The following ADGRG6 variants were observed in gnomAD, a reference collection of about 807,000 sequenced individuals.
ADGRG6 encodes adhesion G protein-coupled receptor G6.
In ADGRG6, 84 loss-of-function variants were observed where a neutral mutation model predicts 142.4. The observed-to-expected ratio is 0.59, with a 90% CI of 0.49 to 0.71. The LOEUF (loss-of-function observed/expected upper bound fraction) is 0.71. Ranked by LOEUF, ADGRG6 falls within the 30% of genes least tolerant of loss-of-function variation. The probability of loss-of-function intolerance (pLI) is 0.00; values close to 1 mark genes in which losing one functional copy is unlikely to be tolerated. For synonymous variants in ADGRG6, 521 were observed against 520.5 expected (o/e 1.00, Z -0.01); for missense variants, 1,367 against 1,466.6 (o/e 0.93, Z 1.11).
chr6:142,313,275 C>T (rs1035402375), intron 2 of ADGRG6, among the ~76,000 whole-genome samples: 2 of 151,996 alleles, frequency 1.3e-5, no homozygotes, highest in East Asian at 3.9e-4. Flanking sequence ...TCTTTCTTCA[C>T]TTAATAGGAA....
intron 9 of ADGRG6, 53 bp downstream of exon 9, chr6:142,394,011 C>CT: frequency 9.2e-7 from 1 of 1,092,120 alleles, no homozygotes; most frequent in Non-Finnish European, 1.4e-6. Context: ...TTGCTCACTA[C>CT]TTTATCTGGT....
intron 4 of ADGRG6, among the ~76,000 whole-genome samples, chr6:142,380,342 A>G (rs914289767): frequency 6.6e-6 from 1 of 152,214 alleles, no homozygotes; most frequent in Non-Finnish European, 1.5e-5. Context: ...CAAGAGGAGG[A>G]GTCCATTCAG....
intron 2 of ADGRG6, among the ~76,000 whole-genome samples, chr6:142,321,165 T>G (rs1231098675): frequency 6.6e-6 from 1 of 151,940 alleles, no homozygotes; most frequent in Non-Finnish European, 1.5e-5. Flanking sequence ...AACTGAGTAG[T>G]GTTTTTTAAA....
chr6:142,424,523 A>C (rs1776841837), intron 22 of ADGRG6, among the ~76,000 whole-genome samples: 1 of 146,474 alleles, frequency 6.8e-6, no homozygotes, highest in Non-Finnish European at 1.5e-5. Context: ...GATGAAGCCC[A>C]CTTGATCATG....
At chr6:142,443,033 T>G (rs1346923239) in intron 24 of ADGRG6, among the ~76,000 whole-genome samples, 2 of 152,190 alleles carry the variant, frequency 1.3e-5, no homozygotes, top group African/African-American at 4.8e-5. Context: ...CCATAGTGCA[T>G]GTTTTTTTGA....
At chr6:142,436,347 A>G (rs1344027508) in intron 22 of ADGRG6, among the ~76,000 whole-genome samples, 2 of 152,148 alleles carry the variant, frequency 1.3e-5, no homozygotes, top group Non-Finnish European at 2.9e-5. Flanking sequence ...TGACCTTGAG[A>G]ATGAAGGGCT....
rs1205663199 is a variant in ADGRG6 at position 142,370,948 on chromosome 6, A to G, written c.1069+155A>G. The G allele has an allele frequency of 5.2e-6, 4 of 766,364 alleles. No individual in the cohort carries two copies. In the Admixed American group the frequency reaches 8.5e-5, roughly 16 times the overall value. The allele number at this position is 766,364 out of a possible 1,614,324, so 47.5% of individuals were successfully genotyped here. On this transcript the variant is annotated intron_variant, in intron 4 of 24. Transcript: ENST00000367609. The stretch of plus-strand genomic sequence containing the variant: ...TATGTTGTCATTAAAAAGCTCTTTT[A>G]ATTTTTAAAATGTCGTCTGCTCAGC...
chr6:142,420,871 A>G (rs1480945711), intron 22 of ADGRG6, among the ~76,000 whole-genome samples: 2 of 152,192 alleles, frequency 1.3e-5, no homozygotes, highest in African/African-American at 4.8e-5. Context: ...TATACCCTGT[A>G]CTGTTGATGA....
rs1777855103 is a variant in ADGRG6, at chr6:142,443,464, C to T, written c.3702C>T (p.Phe1234=). The T allele has an allele frequency of 2.5e-6, 4 of 1,611,590 alleles. No homozygotes were observed. Among genetic ancestry groups the T allele is most frequent in the Admixed American group, 3.3e-5 (2 of 59,900 alleles). ...KGYCNAHSDN[F]YKNIIMSDTF... ...ATTGCAATGCTCATTCAGACAACTTCTATAAAAATATTATCATGTCAGACA... is the reference window on the plus strand; with the variant it reads ...ATTGCAATGCTCATTCAGACAACTTTTATAAAAATATTATCATGTCAGACA... Residue 1234 remains phenylalanine (F), a synonymous_variant, in exon 25 of 25, where the codon TTC becomes TTT. Coordinates refer to ENST00000367609, the MANE Select transcript of ADGRG6 (RefSeq NM_198569.3).
intron 4 of ADGRG6, among the ~76,000 whole-genome samples, chr6:142,371,301 C>A (rs151179486): frequency 6.6e-6 from 1 of 150,920 alleles, no homozygotes; most frequent in East Asian, 2.0e-4. Context: ...TATCTGGGAC[C>A]ACAGGCGTGC....
At chr6:142,429,579 T>C (rs183972069) in intron 22 of ADGRG6, among the ~76,000 whole-genome samples, 1 of 152,306 alleles carries the variant, frequency 6.6e-6, no homozygotes, top group Non-Finnish European at 1.5e-5. Flanking sequence ...CATAGCCAGC[T>C]GACTGTGTCT....
At position 142,351,822 on chromosome 6, in the gene ADGRG6, T is replaced by C. The variant is rs1780190628; in HGVS notation, c.104-15747T>C. ...ACAAAGGTCAAATATCCAGGATCTA[T>C]AAGGAACTTGAACGGATTGGCAAGC... On this transcript the variant is annotated intron_variant, in intron 2 of 24. Transcript: ENST00000367609. Among the ~76,000 whole-genome samples, 4 of 152,168 alleles carry C rather than the reference T, an allele frequency of 2.6e-5. No individual in the cohort carries two copies. In the South Asian group the frequency reaches 8.3e-4, roughly 32 times the overall value.
chr6:142,324,137 C>A (rs1330636727), intron 2 of ADGRG6, among the ~76,000 whole-genome samples: 1 of 152,070 alleles, frequency 6.6e-6, no homozygotes, highest in Non-Finnish European at 1.5e-5. Context: ...TATTCTAATG[C>A]AGACCTTATT....
rs754669806 is a variant in ADGRG6 at position 142,411,404 on chromosome 6, T to C, written c.2534T>C (p.Val845Ala). The change falls in exon 18 of 25, where the codon GTT (valine) becomes GCT (alanine). Residue 845 changes from valine (V) to alanine (A), a missense_variant. Val to Ala is a moderately conservative substitution (Grantham distance 64, BLOSUM62 0). This residue lies in a region of ADGRG6 where 286 missense variants were observed against 371.4 expected (regional missense o/e 0.77). Transcript: ENST00000367609. Reference sequence around the variant, plus strand: ...TGTAACCACTTCACACACTTTGGAGTTCTGATGGTAAGGGGGGAATTTCTA... The same window carrying C: ...TGTAACCACTTCACACACTTTGGAGCTCTGATGGTAAGGGGGGAATTTCTA... ...CLCNHFTHFGVLMDLPRSASQ... is the reference protein window; with the variant it reads ...CLCNHFTHFGALMDLPRSASQ... The C allele has an allele frequency of 5.2e-6, 8 of 1,541,368 alleles. No homozygotes were observed. Among genetic ancestry groups the C allele is most frequent in the Non-Finnish European group, 7.2e-6 (8 of 1,114,026 alleles).
chr6:142,316,800 GT>G (rs970047121), intron 2 of ADGRG6, among the ~76,000 whole-genome samples: 7 of 150,988 alleles, frequency 4.6e-5, no homozygotes, highest in Admixed American at 1.3e-4. Context: ...TTACCTTAGT[GT>G]TTTTTTTTAA....
At chr6:142,367,469 A>G (rs1447164565) in intron 2 of ADGRG6, 100 bp from the exon 3 acceptor site, 4 of 712,900 alleles carry the variant, frequency 5.6e-6, no homozygotes, top group East Asian at 2.7e-5. Flanking sequence ...GTATTTTTAA[A>G]TATTTACTGC....
chr6:142,337,817 A>G (rs1169241860), intron 2 of ADGRG6, among the ~76,000 whole-genome samples: 4 of 151,688 alleles, frequency 2.6e-5, no homozygotes, highest in Admixed American at 2.0e-4. Context: ...TTACTTTTAG[A>G]TTTTATTTCT....
intron 22 of ADGRG6, among the ~76,000 whole-genome samples, chr6:142,427,977 G>C (rs201509757): frequency 3.3e-5 from 5 of 152,064 alleles, no homozygotes; most frequent in Non-Finnish European, 7.3e-5. Flanking sequence ...ATGAGATTTG[G>C]GTGGGGACAC....
chr6:142,416,715 C>G (rs1776376641), intron 20 of ADGRG6, among the ~76,000 whole-genome samples: 1 of 152,134 alleles, frequency 6.6e-6, no homozygotes, highest in Non-Finnish European at 1.5e-5. Context: ...CCTCAGGAGG[C>G]AATAAGCACA....
Sources: allele counts gnomAD v4.1 joint callset (sites outside exome capture counted in the v4.1 genomes callset), GRCh38; gene constraint gnomAD v4.1.1; regional missense constraint gnomAD v4.1.1; transcripts MANE v1.5; gene names NCBI Gene and HGNC (gene_info 2026-07-23, HGNC 2026-07-21).